The following LRRTM3 variants were observed in gnomAD, a reference collection of about 807,000 sequenced individuals.
LRRTM3 encodes leucine-rich repeat transmembrane neuronal protein 3.
Under a neutral mutation model 44.7 loss-of-function variants are expected in LRRTM3, and 24 were observed. That is an observed-to-expected ratio of 0.54 (90% CI 0.39 to 0.76). The LOEUF (loss-of-function observed/expected upper bound fraction) is 0.76. Among genes scored for constraint, LRRTM3 ranks in the 30% least tolerant of loss-of-function variants. The probability of loss-of-function intolerance (pLI) is 0.00; values close to 1 mark genes in which losing one functional copy is unlikely to be tolerated. For missense variants in LRRTM3, 587 were observed against 702.2 expected, an observed-to-expected ratio of 0.84 and a Z score of 1.85; for synonymous variants, 277 against 278.7, an observed-to-expected ratio of 0.99 and a Z score of 0.06.
At chr10:67,022,635 A>C (rs1853097103) in intron 2 of LRRTM3, among the ~76,000 whole-genome samples, 1 of 152,106 alleles carries the variant, frequency 6.6e-6, no homozygotes, top group Non-Finnish European at 1.5e-5. Context: ...AAATGATGAA[A>C]AATTTTAAAT....
chr10:66,943,334 GA>G (rs533895586), intron 2 of LRRTM3, among the ~76,000 whole-genome samples: 144 of 152,074 alleles, frequency 9.5e-4, no homozygotes, highest in African/African-American at 3.4e-3. Context: ...AATCTTATTA[GA>G]TTTTTTTTTA....
At chr10:66,929,116 A>G (rs1847232069) in intron 2 of LRRTM3, among the ~76,000 whole-genome samples, 1 of 152,216 alleles carries the variant, frequency 6.6e-6, no homozygotes, top group South Asian at 2.1e-4. Context: ...ACAACTGCAA[A>G]ATGTGAGGAG....
At chr10:67,052,310 ATCACTCTCTC>A (rs1274504228) in intron 2 of LRRTM3, among the ~76,000 whole-genome samples, 13 of 92,760 alleles carry the variant, frequency 1.4e-4, no homozygotes, top group African/African-American at 4.0e-4. Flanking sequence ...ACACCCACTC[ATCACTCTCTC>A]TCTCTCTCTC....
chr10:67,100,384 T>G lies in LRRTM3; in HGVS notation c.*2588T>G, dbSNP rs781421439. On this transcript the variant is annotated 3_prime_UTR_variant, in exon 3 of 3. Coordinates refer to ENST00000361320, the MANE Select transcript of LRRTM3 (RefSeq NM_178011.5). ...AAGAAAAAAAATGCTGGATGATGAT[T>G]ATTATTATTTTTGCTTAATTTTTAT... 1.7e-4 allele frequency among the ~76,000 whole-genome samples: 26 copies of G among 151,886 alleles called. No homozygotes were observed. The highest frequency in any genetic ancestry group is 9.7e-4 in the East Asian group (5 of 5,160).
chr10:67,063,550 G>A (rs1855887594), intron 2 of LRRTM3, among the ~76,000 whole-genome samples: 1 of 152,204 alleles, frequency 6.6e-6, no homozygotes, highest in South Asian at 2.1e-4. Context: ...GGTTATCACT[G>A]TCAGATATGA....
chr10:66,978,941 C>T (rs889407241), intron 2 of LRRTM3, among the ~76,000 whole-genome samples: 2 of 148,962 alleles, frequency 1.3e-5, no homozygotes, highest in African/African-American at 4.9e-5. Flanking sequence ...TAAATAGCCA[C>T]TCCTCACATA....
intron 2 of LRRTM3, among the ~76,000 whole-genome samples, chr10:66,941,486 C>T (rs991852185): frequency 5.9e-5 from 9 of 152,012 alleles, no homozygotes; most frequent in South Asian, 2.1e-4. Context: ...CCACTTTGAA[C>T]GCAGGAATCT....
At chr10:67,045,429 G>C (rs986776540) in intron 2 of LRRTM3, among the ~76,000 whole-genome samples, 4 of 151,966 alleles carry the variant, frequency 2.6e-5, no homozygotes, top group African/African-American at 4.8e-5. Flanking sequence ...TGTTGTTGTT[G>C]TTTGTTGTTG....
chr10:66,985,537 T>C (rs574565604), intron 2 of LRRTM3, among the ~76,000 whole-genome samples: 2 of 152,072 alleles, frequency 1.3e-5, no homozygotes, highest in East Asian at 1.9e-4. Flanking sequence ...ATGGTTCCCA[T>C]TGGTCAAACA....
intron 2 of LRRTM3, among the ~76,000 whole-genome samples, chr10:66,999,849 A>G (rs1413891403): frequency 6.6e-6 from 1 of 152,142 alleles, no homozygotes; most frequent in African/African-American, 2.4e-5. Flanking sequence ...ATTTTCCTAA[A>G]ATGTTTTCCT....
intron 2 of LRRTM3, among the ~76,000 whole-genome samples, chr10:67,090,234 A>G (rs980704716): frequency 2.0e-5 from 3 of 152,042 alleles, no homozygotes; most frequent in Non-Finnish European, 4.4e-5. Flanking sequence ...GTATTGGTCA[A>G]TATGTGTGTA....
intron 2 of LRRTM3, among the ~76,000 whole-genome samples, chr10:67,015,648 A>C (rs1046619156): frequency 6.6e-6 from 1 of 152,214 alleles, no homozygotes; most frequent in Non-Finnish European, 1.5e-5. Flanking sequence ...TGTTCTATCT[A>C]AAATTGTCCT....
rs1163524133 is a variant in LRRTM3 at position 67,101,347 on chromosome 10, T to C, written c.*3551T>C. Among the ~76,000 whole-genome samples the C allele has an allele frequency of 2.6e-5, 4 of 151,790 alleles. No homozygotes were observed. The highest frequency in any genetic ancestry group is 1.9e-4 in the East Asian group (1 of 5,184). On this transcript the variant is annotated 3_prime_UTR_variant, in exon 3 of 3. Transcript: ENST00000361320. Reference sequence around the variant, plus strand: ...GAACACATGTTCAATTCGGAGCTAATTGGGAAGACTTACATAAAATTCTTT... The same window carrying C: ...GAACACATGTTCAATTCGGAGCTAACTGGGAAGACTTACATAAAATTCTTT...
rs146419069 is a variant in LRRTM3, at chr10:66,992,034, A to G, written c.1536+63582A>G. Among the ~76,000 whole-genome samples, 183 of 152,180 alleles carry G rather than the reference A, an allele frequency of 1.2e-3. 2 individuals are homozygous for G. The highest frequency in any genetic ancestry group is 4.3e-3 in the African/African-American group (177 of 41,540). Reference sequence around the variant, plus strand: ...GTCACTCTGCAGCAAACATCCTTGTATGTCTCTTTGTGAACGTCAACAATT... The same window carrying G: ...GTCACTCTGCAGCAAACATCCTTGTGTGTCTCTTTGTGAACGTCAACAATT... On this transcript the variant is annotated intron_variant, in intron 2 of 2. Coordinates refer to ENST00000361320, the MANE Select transcript of LRRTM3 (RefSeq NM_178011.5).
intron 2 of LRRTM3, among the ~76,000 whole-genome samples, chr10:67,002,044 A>G (rs1490817904): frequency 6.6e-6 from 1 of 152,160 alleles, no homozygotes; most frequent in Non-Finnish European, 1.5e-5. Context: ...TGGTTGACTG[A>G]CCATACTCAA....
intron 2 of LRRTM3, among the ~76,000 whole-genome samples, chr10:66,952,294 C>A (rs117122351): frequency 6.6e-6 from 1 of 152,132 alleles, no homozygotes; most frequent in South Asian, 2.1e-4. Context: ...AGTTCTGAGG[C>A]TTTGAAAAGA....
At chr10:66,968,531 TGG>T in intron 2 of LRRTM3, among the ~76,000 whole-genome samples, 1 of 151,750 alleles carries the variant, frequency 6.6e-6, no homozygotes, top group East Asian at 1.9e-4. Flanking sequence ...TAAAAAAACG[TGG>T]TTAGAAGCGA....
chr10:67,050,630 C>G (rs1925604), intron 2 of LRRTM3, among the ~76,000 whole-genome samples: 7,352 of 152,238 alleles, frequency 0.048, 250 homozygotes, highest in Non-Finnish European at 0.076. Context: ...TACGCTGAGG[C>G]TGATGTGATT....
intron 2 of LRRTM3, among the ~76,000 whole-genome samples, chr10:66,960,721 A>G (rs1849062682): frequency 6.6e-6 from 1 of 152,132 alleles, no homozygotes; most frequent in African/African-American, 2.4e-5. Context: ...TAAAATTTTA[A>G]GGGGGAAATA....
Sources: gnomAD v4.1 joint callset for allele counts (sites outside exome capture counted in the v4.1 genomes callset) on GRCh38, gnomAD v4.1.1 for gene constraint, MANE v1.5 for transcripts, NCBI Gene and HGNC (gene_info 2026-07-23, HGNC 2026-07-21) for gene names.